Variants in FBXW4 observed in about 807,000 individuals in gnomAD.
The protein encoded by FBXW4 is F-box and WD repeat domain containing 4.
FBXW4 carries 40 observed loss-of-function variants against 61.8 expected under a neutral mutation model. The observed-to-expected ratio is 0.65, with a 90% confidence interval of 0.50 to 0.84. FBXW4 has a LOEUF of 0.84. Ranked by LOEUF, FBXW4 falls within the 40% of genes least tolerant of loss-of-function variation. FBXW4 has a pLI of 0.00. For synonymous variants in FBXW4, 311 were observed against 313.8 expected (o/e 0.99, Z 0.10); for missense variants, 672 against 753.8 (o/e 0.89, Z 1.27).
intron 6 of FBXW4, among the ~76,000 whole-genome samples, chr10:101,622,528 C>T (rs1411961066): frequency 6.6e-6 from 1 of 151,898 alleles, no homozygotes; most frequent in Non-Finnish European, 1.5e-5. Flanking sequence ...GAGATCGAGA[C>T]CATCCTGGCT....
chr10:101,677,800 G>T (rs1248510019), intron 1 of FBXW4, among the ~76,000 whole-genome samples: 1 of 147,690 alleles, frequency 6.8e-6, no homozygotes, highest in African/African-American at 2.5e-5. Flanking sequence ...AAAAAAAAAA[G>T]AGAAAAGAAA....
At chr10:101,640,416 T>C (rs1007735748) in intron 5 of FBXW4, among the ~76,000 whole-genome samples, 3 of 152,076 alleles carry the variant, frequency 2.0e-5, no homozygotes, top group Non-Finnish European at 2.9e-5. Flanking sequence ...CATGACTCAT[T>C]CTAATGGGGC....
At chr10:101,670,299 A>G (rs1218674393) in intron 4 of FBXW4, among the ~76,000 whole-genome samples, 3 of 152,210 alleles carry the variant, frequency 2.0e-5, no homozygotes, top group Non-Finnish European at 4.4e-5. Context: ...GCTACTTATT[A>G]TCTTTGATCT....
chr10:101,687,302 G>GGA (rs1331325855), intron 1 of FBXW4, among the ~76,000 whole-genome samples: 1 of 152,100 alleles, frequency 6.6e-6, no homozygotes, highest in Non-Finnish European at 1.5e-5. Flanking sequence ...GAAAAAGACA[G>GGA]GAGAGCTGGG....
intron 5 of FBXW4, among the ~76,000 whole-genome samples, chr10:101,648,146 G>T (rs1238933400): frequency 6.6e-6 from 1 of 152,090 alleles, no homozygotes; most frequent in Non-Finnish European, 1.5e-5. Flanking sequence ...GGGTTTTTTT[G>T]TTTGTTTGTT....
At chr10:101,676,768 T>C (rs1459979053) in intron 1 of FBXW4, 1 of 119,894 alleles carries the variant, frequency 8.3e-6, no homozygotes, top group East Asian at 2.2e-4. Flanking sequence ...CCTCACACCA[T>C]ACAGGAAAAG....
chr10:101,616,122 T>C (rs923590897), intron 6 of FBXW4, among the ~76,000 whole-genome samples: 1 of 152,142 alleles, frequency 6.6e-6, no homozygotes, highest in Non-Finnish European at 1.5e-5. Context: ...TGCCTACCTG[T>C]GCACCTGTCT....
intron 5 of FBXW4, among the ~76,000 whole-genome samples, chr10:101,653,522 C>T (rs2064160996): frequency 6.6e-6 from 1 of 152,202 alleles, no homozygotes; most frequent in Non-Finnish European, 1.5e-5. Context: ...AGACCAGTCC[C>T]CTTGCTTGAA....
At chr10:101,628,600 T>C (rs759540334) in intron 5 of FBXW4, among the ~76,000 whole-genome samples, 4 of 152,200 alleles carry the variant, frequency 2.6e-5, no homozygotes, top group Non-Finnish European at 5.9e-5. Context: ...TTGGTCCCTC[T>C]GCTTCCTAAA....
At chr10:101,659,362 A>G (rs1589765168) in intron 5 of FBXW4, 1 of 984,540 alleles carries the variant, frequency 1.0e-6, no homozygotes, top group Non-Finnish European at 1.2e-6. Context: ...AGGAAGGAGG[A>G]AAGATGCAGT....
chr10:101,681,388 CAAAAA>C (rs769305940), intron 1 of FBXW4, among the ~76,000 whole-genome samples: 1 of 134,184 alleles, frequency 7.5e-6, no homozygotes, highest in South Asian at 2.4e-4. Context: ...AACTCCGTCT[CAAAAA>C]AAAAAAATAA....
At chr10:101,666,928 A>AG (rs922767155) in intron 5 of FBXW4, among the ~76,000 whole-genome samples, 1 of 151,610 alleles carries the variant, frequency 6.6e-6, no homozygotes, top group Non-Finnish European at 1.5e-5. Context: ...AAAGAATGAA[A>AG]AAAAAACCAC....
chr10:101,678,682 C>G (rs1318473199), intron 1 of FBXW4, among the ~76,000 whole-genome samples: 1 of 152,178 alleles, frequency 6.6e-6, no homozygotes, highest in African/African-American at 2.4e-5. Context: ...CCCACCTCAG[C>G]CTCCCAAAGT....
In FBXW4 at chr10:101,611,321, G is replaced by A. The variant is rs2063780734; in HGVS notation, c.1674C>T (p.Asn558=). 1 of 1,614,030 alleles carries A rather than the reference G, an allele frequency of 6.2e-7. No individual in the cohort carries two copies. The highest frequency in any genetic ancestry group is 1.3e-5 in the African/African-American group (1 of 74,938). The stretch of plus-strand genomic sequence containing the variant: ...GGTTTTGAAAATCCAGGACGTGGAG[G>A]TTGTAAGACAGGGCAGCATAGAGAT... The part of the protein sequence containing the change: ...TKHLYAALSY[N]LHVLDFQNP Residue 558 remains asparagine, a synonymous_variant, in exon 9 of 9, where the codon AAC becomes AAT. Coordinates refer to ENST00000331272, the MANE Select transcript of FBXW4 (RefSeq NM_022039.4). The surrounding 1 kb of genome is among the most constrained non-coding windows in gnomAD (Gnocchi z 4.9).
chr10:101,614,026 G>A (rs958443885), intron 6 of FBXW4, among the ~76,000 whole-genome samples: 3 of 152,230 alleles, frequency 2.0e-5, no homozygotes, highest in Non-Finnish European at 2.9e-5. Context: ...GAGAAGCCCT[G>A]CCTTCCCAGA....
At chr10:101,628,529 G>A in intron 5 of FBXW4, among the ~76,000 whole-genome samples, 1 of 152,212 alleles carries the variant, frequency 6.6e-6, no homozygotes, top group Non-Finnish European at 1.5e-5. Flanking sequence ...ACTGAACTAA[G>A]AGGGCCTTCC....
rs2064663140 is a variant in FBXW4 at position 101,695,120 on chromosome 10, C to T, written c.-15G>A. On this transcript the variant is annotated 5_prime_UTR_variant, in exon 1 of 9. Transcript: ENST00000331272. The surrounding 1 kb of genome is among the most constrained non-coding windows in gnomAD (Gnocchi z 4.2). ...TGGCTGCCCATGAGCGGCCGCGGGGCCGGCCCGACGCGGAGCCCAGCCCGA... is the reference window on the plus strand; with the variant it reads ...TGGCTGCCCATGAGCGGCCGCGGGGTCGGCCCGACGCGGAGCCCAGCCCGA... The T allele has an allele frequency of 4.1e-6, 4 of 985,344 alleles. No homozygotes were observed. The highest frequency in any genetic ancestry group is 1.7e-5 in the African/African-American group (1 of 57,192). The allele number at this position is 985,344 out of a possible 1,614,324, so 61.0% of individuals were successfully genotyped here. A position where few individuals can be genotyped will look rare whatever the true frequency, so the allele number is the denominator to read the frequency against.
At chr10:101,630,895 G>A (rs2063949365) in intron 5 of FBXW4, among the ~76,000 whole-genome samples, 1 of 152,226 alleles carries the variant, frequency 6.6e-6, no homozygotes, top group South Asian at 2.1e-4. Flanking sequence ...CCACCTGAAT[G>A]CCCTCTAGAG....
intron 5 of FBXW4, among the ~76,000 whole-genome samples, chr10:101,649,188 C>A (rs775612555): frequency 2.0e-5 from 3 of 152,180 alleles, no homozygotes; most frequent in African/African-American, 7.2e-5. Flanking sequence ...CAGTTGAACA[C>A]CCCCTATAGA....
Sources: gnomAD v4.1 joint callset for allele counts (sites outside exome capture counted in the v4.1 genomes callset) on GRCh38, gnomAD v4.1.1 for gene constraint, Gnocchi (gnomAD v3.1) non-coding constraint, MANE v1.5 for transcripts, NCBI Gene and HGNC (gene_info 2026-07-23, HGNC 2026-07-21) for gene names.